SRRM1: variants seen among roughly 807,000 people sequenced by gnomAD.
The protein encoded by SRRM1 is serine/arginine repetitive matrix protein 1.
SRRM1 carries 19 observed loss-of-function variants against 110.2 expected under a neutral mutation model. The ratio of observed to expected loss-of-function variants is 0.17; its 90% CI spans 0.12 to 0.25. The LOEUF (loss-of-function observed/expected upper bound fraction) is 0.25. Ranked by LOEUF, SRRM1 falls within the 10% of genes least tolerant of loss-of-function variation. The pLI is 1.00. For synonymous variants in SRRM1, 443 were observed against 414.9 expected, an observed-to-expected ratio of 1.07 and a Z score of -0.82; for missense variants, 918 against 1,145.8, an observed-to-expected ratio of 0.80 and a Z score of 2.87.
At chr1:24,650,792 T>C (rs1336311881) in intron 5 of SRRM1, among the ~76,000 whole-genome samples, 1 of 152,226 alleles carries the variant, frequency 6.6e-6, no homozygotes, top group Non-Finnish European at 1.5e-5. Context: ...TAAGCACAAA[T>C]TGTCATGGTG....
chr1:24,657,916 T>C (rs367854587), intron 9 of SRRM1, among the ~76,000 whole-genome samples: 1 of 152,224 alleles, frequency 6.6e-6, no homozygotes, highest in African/African-American at 2.4e-5. Flanking sequence ...GGTCACAGAG[T>C]AACTTATCTT....
At chr1:24,646,603 T>A (rs1046116472) in intron 2 of SRRM1, 64 bp from the exon 3 acceptor site, 6 of 1,445,638 alleles carry the variant, frequency 4.2e-6, no homozygotes, top group Non-Finnish European at 5.6e-6. Flanking sequence ...TAGACAGAAC[T>A]CTAACTTGAG....
Position 24,652,504 on chromosome 1 carries a change from A to G in SRRM1, c.796A>G (p.Lys266Glu). ...AGAACCTTCTCCGGAAAAAAATTCC[A>G]AAAAAGAAAAGGAGAAGGAGAAGAC... Reference protein sequence around the residue: ...PKEPSPEKNSKKEKEKEKTRP... With the variant: ...PKEPSPEKNSEKEKEKEKTRP... The change falls in exon 7 of 17, where the codon AAA (lysine) becomes GAA (glutamate). Residue 266 changes from lysine (K) to glutamate (E), a missense_variant. Physicochemically the swap from Lys to Glu is moderately conservative, Grantham distance 56. This residue lies in a region of SRRM1 where 456 missense variants were observed against 453.5 expected (regional missense o/e 1.01). Coordinates refer to ENST00000323848, the MANE Select transcript of SRRM1 (RefSeq NM_005839.4). 1 of 1,612,866 alleles carries G rather than the reference A, an allele frequency of 6.2e-7. No individual in the cohort carries two copies. The highest frequency in any genetic ancestry group is 8.5e-7 in the Non-Finnish European group (1 of 1,179,612).
intron 9 of SRRM1, among the ~76,000 whole-genome samples, chr1:24,656,199 T>C (rs1664007995): frequency 6.6e-6 from 1 of 152,214 alleles, no homozygotes; most frequent in South Asian, 2.1e-4. Flanking sequence ...TGTTGCCTTA[T>C]CTCCCCACTC....
intron 1 of SRRM1, among the ~76,000 whole-genome samples, chr1:24,645,134 C>T (rs747111548): frequency 2.6e-4 from 39 of 152,298 alleles, no homozygotes; most frequent in Non-Finnish European, 4.3e-4. Context: ...ATGTACACAG[C>T]AACCCTGCAG....
chr1:24,659,861 A>G (rs1666242079), intron 9 of SRRM1, among the ~76,000 whole-genome samples: 1 of 152,196 alleles, frequency 6.6e-6, no homozygotes, highest in Non-Finnish European at 1.5e-5. Flanking sequence ...CTCTCCTACT[A>G]CTTGAGGTAT....
intron 12 of SRRM1, among the ~76,000 whole-genome samples, chr1:24,666,390 C>G (rs1334788738): frequency 6.6e-6 from 1 of 152,148 alleles, no homozygotes; most frequent in Non-Finnish European, 1.5e-5. Context: ...AACTTAGTAA[C>G]CATTGCTGCC....
chr1:24,662,757 G>A lies in SRRM1; in HGVS notation c.1581G>A (p.Arg527=). ...GGCGGCGGAGACATTCCCCTTCCCG[G>A]AGTGCTTCTCCATCACCACGAAAGC... The part of the protein sequence containing the change: ...VGRRRRHSPS[R]SASPSPRKRQ... Residue 527 remains arginine, a synonymous_variant, in exon 12 of 17, where the codon CGG becomes CGA. Coordinates refer to ENST00000323848, the MANE Select transcript of SRRM1 (RefSeq NM_005839.4). 6.2e-7 allele frequency: 1 copy of A among 1,614,176 alleles called. No individual in the cohort carries two copies. Among genetic ancestry groups the A allele is most frequent in the Non-Finnish European group, 8.5e-7 (1 of 1,180,022 alleles).
At chr1:24,651,659 A>G in intron 6 of SRRM1, 47 bp downstream of exon 6, 1 of 1,371,158 alleles carries the variant, frequency 7.3e-7, no homozygotes, top group Non-Finnish European at 1.0e-6. Flanking sequence ...TTTTAGATTA[A>G]TAGTGACTGC....
At chr1:24,657,091 G>C (rs374908985) in intron 9 of SRRM1, among the ~76,000 whole-genome samples, 115 of 152,172 alleles carry the variant, frequency 7.6e-4, no homozygotes, top group African/African-American at 2.6e-3. Flanking sequence ...CCACCACCCC[G>C]CTAAATAGAG....
At chr1:24,666,582 T>C (rs1462252331) in intron 12 of SRRM1, 3 of 378,958 alleles carry the variant, frequency 7.9e-6, no homozygotes, top group Non-Finnish European at 1.5e-5. Context: ...GCCAACATGG[T>C]GAAACTCCGT....
At chr1:24,652,843 T>C in intron 7 of SRRM1, 70 bp from the exon 8 acceptor site, 13 of 1,519,956 alleles carry the variant, frequency 8.6e-6, no homozygotes, top group East Asian at 2.3e-5. Context: ...GATGTGGCCA[T>C]TGAGAAAACT....
In SRRM1 at chr1:24,646,678, C is replaced by A; in HGVS notation, c.123C>A (p.Ser41Arg). ...AECLEKKVDMSKVNLEVIKPW... is the reference protein window; with the variant it reads ...AECLEKKVDMRKVNLEVIKPW... ...CTATGTTTCATCAGGTGGACATGAG[C>A]AAAGTAAATTTGGAGGTTATAAAGC... Residue 41 changes from serine (S) to arginine (R), a missense_variant, in exon 3 of 17, where the codon AGC becomes AGA. Ser to Arg is a moderately radical substitution (Grantham distance 110, BLOSUM62 -1). Coordinates refer to ENST00000323848, the MANE Select transcript of SRRM1 (RefSeq NM_005839.4). 2 of 1,591,938 alleles carry A rather than the reference C, an allele frequency of 1.3e-6. No individual in the cohort carries two copies. The highest frequency in any genetic ancestry group is 1.7e-6 in the Non-Finnish European group (2 of 1,172,780).
In SRRM1 at chr1:24,662,100, C is replaced by CA. The variant is rs1038645632; in HGVS notation, c.1484-552dup. On this transcript the variant is annotated intron_variant, in intron 11 of 16. Transcript: ENST00000323848. Reference sequence around the variant, plus strand: ...GCAACAGAGCAAGGCTTTGTTTCCACAAAAAAAATAATAATAATCTACCCT... The same window carrying CA: ...GCAACAGAGCAAGGCTTTGTTTCCACAAAAAAAAATAATAATAATCTACCCT... Among the ~76,000 whole-genome samples, 5 of 151,658 alleles carry CA rather than the reference C, an allele frequency of 3.3e-5. 1 individual carries two copies. Among genetic ancestry groups the CA allele is most frequent in the African/African-American group, 1.2e-4 (5 of 41,374 alleles).
chr1:24,664,804 C>T (rs1669068943), intron 12 of SRRM1, among the ~76,000 whole-genome samples: 1 of 152,122 alleles, frequency 6.6e-6, no homozygotes, highest in South Asian at 2.1e-4. Flanking sequence ...TGTGAAGTTG[C>T]TAGCACAGCA....
chr1:24,665,357 A>C (rs1477300272), intron 12 of SRRM1, among the ~76,000 whole-genome samples: 2 of 150,862 alleles, frequency 1.3e-5, no homozygotes, highest in African/African-American at 4.9e-5. Context: ...TGAATCCGGG[A>C]GGTGGAGGTT....
chr1:24,648,610 C>G (rs1480632094), intron 3 of SRRM1: 1 of 338,592 alleles, frequency 3.0e-6, no homozygotes, highest in African/African-American at 2.1e-5. Context: ...CTTACGAAAT[C>G]CACAAAGGAT....
chr1:24,669,106 A>G lies in SRRM1; in HGVS notation c.1740-17A>G, dbSNP rs773770075. 1.9e-6 allele frequency: 3 copies of G among 1,596,472 alleles called. No individual in the cohort carries two copies. Among genetic ancestry groups the G allele is most frequent in the East Asian group, 2.2e-5 (1 of 44,580 alleles). The stretch of plus-strand genomic sequence containing the variant: ...TTTTGTTGAGCCTTTCAGCTTAATT[A>G]TGTATCTTTTTCCTAGGACTCCTTC... On this transcript the variant is annotated splice_polypyrimidine_tract_variant and intron_variant, in intron 13 of 16. Coordinates refer to ENST00000323848, the MANE Select transcript of SRRM1 (RefSeq NM_005839.4).
At position 24,651,495 on chromosome 1, in the gene SRRM1, A is replaced by G; in HGVS notation, c.608A>G (p.His203Arg). The G allele has an allele frequency of 6.2e-7, 1 of 1,614,204 alleles. No homozygotes were observed. Among genetic ancestry groups the G allele is most frequent in the Non-Finnish European group, 8.5e-7 (1 of 1,180,028 alleles). Residue 203 changes from histidine (H) to arginine (R), a missense_variant, in exon 6 of 17, where the codon CAC becomes CGC. Transcript: ENST00000323848. Reference protein sequence around the residue: ...RKRSHSRSPRHRTKSRSPSPA... With the variant: ...RKRSHSRSPRRRTKSRSPSPA... ...CGCAGTCATTCTCGATCTCCCCGTC[A>G]CAGAACCAAGAGCCGGAGTCCTTCC...
Sources: allele counts gnomAD v4.1 joint callset (sites outside exome capture counted in the v4.1 genomes callset), GRCh38; gene constraint gnomAD v4.1.1; regional missense constraint gnomAD v4.1.1; transcripts MANE v1.5; gene names NCBI Gene and HGNC (gene_info 2026-07-23, HGNC 2026-07-21).